Variants in ERBB4 observed in about 807,000 individuals in gnomAD.
ERBB4 encodes receptor tyrosine-protein kinase erbB-4.
In ERBB4, 42 loss-of-function variants were observed where a neutral mutation model predicts 158.0. The ratio of observed to expected loss-of-function variants is 0.27; its 90% CI spans 0.21 to 0.34. The LOEUF (loss-of-function observed/expected upper bound fraction) is 0.34. Among genes scored for constraint, ERBB4 ranks in the 10% least tolerant of loss-of-function variants. The probability of loss-of-function intolerance (pLI) is 1.00; values close to 1 mark genes in which losing one functional copy is unlikely to be tolerated. For missense variants in ERBB4, 1,333 were observed against 1,624.1 expected, an observed-to-expected ratio of 0.82 and a Z score of 3.08; for synonymous variants, 583 against 558.7, an observed-to-expected ratio of 1.04 and a Z score of -0.61.
At chr2:211,770,218 T>C (rs1296131554) in intron 4 of ERBB4, among the ~76,000 whole-genome samples, 1 of 152,240 alleles carries the variant, frequency 6.6e-6, no homozygotes, top group African/African-American at 2.4e-5. Flanking sequence ...TTAATGTTCC[T>C]TGCTTTGTAT....
intron 1 of ERBB4, among the ~76,000 whole-genome samples, chr2:212,522,560 C>T (rs573331918): frequency 3.9e-5 from 6 of 151,916 alleles, no homozygotes; most frequent in East Asian, 1.9e-4. Flanking sequence ...GAATAATCTA[C>T]GCAGAGGTAA....
At chr2:211,733,906 C>A (rs964429241) in intron 5 of ERBB4, among the ~76,000 whole-genome samples, 1 of 147,336 alleles carries the variant, frequency 6.8e-6, no homozygotes, top group Admixed American at 6.6e-5. Context: ...CATGAAGAAA[C>A]CCTGTCTCTA....
At chr2:212,024,030 A>G (rs2125333649) in intron 2 of ERBB4, among the ~76,000 whole-genome samples, 1 of 151,948 alleles carries the variant, frequency 6.6e-6, no homozygotes, top group East Asian at 1.9e-4. Flanking sequence ...TTTTGTCCCC[A>G]AAATTCTAAT....
At chr2:212,198,088 T>C (rs532112928) in intron 1 of ERBB4, among the ~76,000 whole-genome samples, 31 of 152,302 alleles carry the variant, frequency 2.0e-4, no homozygotes, top group Non-Finnish European at 4.0e-4. Flanking sequence ...CATATGAGAA[T>C]GTTTAATTGA....
At chr2:211,949,858 T>G (rs864528) in intron 2 of ERBB4, among the ~76,000 whole-genome samples, 50,543 of 152,040 alleles carry the variant, frequency 0.33, 9,654 homozygotes, top group African/African-American at 0.52. Context: ...TATTTTCCCA[T>G]TACTTCTTAC....
chr2:211,413,725 A>AT (rs201627948), intron 25 of ERBB4, among the ~76,000 whole-genome samples: 1 of 151,676 alleles, frequency 6.6e-6, no homozygotes, highest in African/African-American at 2.4e-5. Context: ...GCGATGCAGG[A>AT]TTTTTTTTGC....
intron 3 of ERBB4, among the ~76,000 whole-genome samples, chr2:211,880,159 G>C (rs1042853613): frequency 2.0e-5 from 3 of 151,932 alleles, no homozygotes; most frequent in Non-Finnish European, 4.4e-5. Flanking sequence ...ACAGTGTTTT[G>C]TTTTCTTCTG....
intron 12 of ERBB4, among the ~76,000 whole-genome samples, chr2:211,696,885 G>C (rs1315703411): frequency 6.6e-6 from 1 of 151,676 alleles, no homozygotes; most frequent in Non-Finnish European, 1.5e-5. Flanking sequence ...GGCCAGGCTG[G>C]TCTCAAACTC....
At chr2:211,462,172 G>A (rs2064551534) in intron 20 of ERBB4, among the ~76,000 whole-genome samples, 1 of 152,012 alleles carries the variant, frequency 6.6e-6, no homozygotes, top group Admixed American at 6.5e-5. Flanking sequence ...CAAAGTGGGA[G>A]CTGGCACTTT....
chr2:212,221,675 A>G (rs2083294987), intron 1 of ERBB4, among the ~76,000 whole-genome samples: 1 of 151,512 alleles, frequency 6.6e-6, no homozygotes, highest in Non-Finnish European at 1.5e-5. Context: ...TATTCCTGGG[A>G]AAAATAATCC....
chr2:211,992,166 C>T (rs1447736358), intron 2 of ERBB4, among the ~76,000 whole-genome samples: 1 of 152,014 alleles, frequency 6.6e-6, no homozygotes, highest in African/African-American at 2.4e-5. Context: ...AGTTTATAAA[C>T]CAACTAATGT....
chr2:211,842,305 CA>C (rs1403906308), intron 3 of ERBB4, among the ~76,000 whole-genome samples: 1 of 151,518 alleles, frequency 6.6e-6, no homozygotes, highest in Non-Finnish European at 1.5e-5. Flanking sequence ...TTGATATTAG[CA>C]AACATTTTTC....
intron 2 of ERBB4, among the ~76,000 whole-genome samples, chr2:212,071,659 G>A (rs974539679): frequency 6.6e-6 from 1 of 151,992 alleles, no homozygotes; most frequent in Non-Finnish European, 1.5e-5. Flanking sequence ...TTTAACAACA[G>A]ATGTACAAAG....
At chr2:212,152,659 T>C (rs1193368635) in intron 1 of ERBB4, among the ~76,000 whole-genome samples, 1 of 152,178 alleles carries the variant, frequency 6.6e-6, no homozygotes. Flanking sequence ...GCCCACATCA[T>C]TCTTTCTGAG....
intron 2 of ERBB4, among the ~76,000 whole-genome samples, chr2:212,002,940 A>G (rs373440814): frequency 3.3e-5 from 5 of 151,226 alleles, no homozygotes; most frequent in African/African-American, 9.7e-5. Context: ...GGGAACCTGT[A>G]ATTCCAGACT....
intron 1 of ERBB4, among the ~76,000 whole-genome samples, chr2:212,263,064 T>G (rs1018676290): frequency 3.3e-5 from 5 of 152,042 alleles, no homozygotes; most frequent in Admixed American, 1.3e-4. Context: ...TTGAAATATC[T>G]TACAAGAAAG....
intron 4 of ERBB4, among the ~76,000 whole-genome samples, chr2:211,756,207 T>C (rs1046661558): frequency 6.6e-6 from 1 of 152,132 alleles, no homozygotes; most frequent in African/African-American, 2.4e-5. Flanking sequence ...CAAGTAACTA[T>C]TATGACCATA....
chr2:212,020,382 T>C (rs1402192737), intron 2 of ERBB4, among the ~76,000 whole-genome samples: 1 of 152,142 alleles, frequency 6.6e-6, no homozygotes, highest in African/African-American at 2.4e-5. Flanking sequence ...GCCTTCTCAC[T>C]TGTTCTACTG....
intron 19 of ERBB4, among the ~76,000 whole-genome samples, chr2:211,574,136 TG>T (rs1559310196): frequency 6.6e-6 from 1 of 151,890 alleles, no homozygotes; most frequent in African/African-American, 2.4e-5. Flanking sequence ...TGACTGAATC[TG>T]GAAAAAAGCT....
Sources: allele counts gnomAD v4.1 joint callset (sites outside exome capture counted in the v4.1 genomes callset), GRCh38; gene constraint gnomAD v4.1.1; transcripts MANE v1.5; gene names NCBI Gene and HGNC (gene_info 2026-07-23, HGNC 2026-07-21).